DLG2: variants seen among roughly 807,000 people sequenced by gnomAD.
The protein encoded by DLG2 is disks large homolog 2.
A neutral mutation model predicts 132.5 loss-of-function variants in DLG2; 45 were observed. The ratio of observed to expected loss-of-function variants is 0.34; its 90% CI spans 0.27 to 0.44. The LOEUF (loss-of-function observed/expected upper bound fraction) is 0.44. Ranked by LOEUF, DLG2 falls within the 20% of genes least tolerant of loss-of-function variation. DLG2 has a pLI of 1.00. For missense variants in DLG2, 1,045 were observed against 1,196.9 expected, an observed-to-expected ratio of 0.87 and a Z score of 1.87; for synonymous variants, 424 against 419.6, an observed-to-expected ratio of 1.01 and a Z score of -0.13.
intron 11 of DLG2, among the ~76,000 whole-genome samples, chr11:84,027,297 T>C (rs2095562125): frequency 6.6e-6 from 1 of 152,230 alleles, no homozygotes; most frequent in South Asian, 2.1e-4. Context: ...ACAGTAAAGT[T>C]TTGGCAACTA....
intron 4 of DLG2, among the ~76,000 whole-genome samples, chr11:85,221,564 A>T (rs1046674163): frequency 5.3e-5 from 8 of 152,210 alleles, no homozygotes; most frequent in African/African-American, 1.9e-4. Context: ...TAAATCCAAT[A>T]ATTTACATTT....
At chr11:84,438,059 A>G (rs2099006293) in intron 7 of DLG2, among the ~76,000 whole-genome samples, 2 of 152,170 alleles carry the variant, frequency 1.3e-5, no homozygotes, top group Non-Finnish European at 2.9e-5. Flanking sequence ...TGCAGGCACA[A>G]ACAGGTGTCC....
At chr11:85,602,876 C>T (rs1354084391) in intron 2 of DLG2, among the ~76,000 whole-genome samples, 1 of 152,186 alleles carries the variant, frequency 6.6e-6, no homozygotes, top group Non-Finnish European at 1.5e-5. Flanking sequence ...ATAAAGCTTG[C>T]TCCTTCACTT....
intron 15 of DLG2, among the ~76,000 whole-genome samples, chr11:83,894,991 A>G (rs2071171818): frequency 6.6e-6 from 1 of 152,162 alleles, no homozygotes; most frequent in African/African-American, 2.4e-5. Context: ...TCAGCCATGA[A>G]AAACAATATG....
chr11:85,507,081 CTTTAT>C (rs963421346), intron 3 of DLG2, among the ~76,000 whole-genome samples: 2 of 152,152 alleles, frequency 1.3e-5, no homozygotes, highest in Non-Finnish European at 2.9e-5. Context: ...TCCTGCATCC[CTTTAT>C]TTTAAGCCTA....
intron 18 of DLG2, among the ~76,000 whole-genome samples, chr11:83,772,120 A>T (rs987285701): frequency 2.0e-5 from 3 of 152,114 alleles, no homozygotes; most frequent in African/African-American, 2.4e-5. Context: ...TTGAAAGAAA[A>T]ATCTAGGCCG....
chr11:83,748,614 G>C (rs12287586), intron 18 of DLG2, among the ~76,000 whole-genome samples: 4,717 of 152,234 alleles, frequency 0.031, 252 homozygotes, highest in African/African-American at 0.11. Flanking sequence ...ACATGACTCT[G>C]CCTGAGGTAG....
At chr11:83,946,401 C>G (rs1356538221) in intron 14 of DLG2, among the ~76,000 whole-genome samples, 1 of 152,166 alleles carries the variant, frequency 6.6e-6, no homozygotes, top group Non-Finnish European at 1.5e-5. Flanking sequence ...CTGTTTTTGA[C>G]ACTTATGTCC....
intron 6 of DLG2, among the ~76,000 whole-genome samples, chr11:84,714,188 A>AT (rs1004030124): frequency 3.8e-5 from 5 of 129,956 alleles, no homozygotes; most frequent in Non-Finnish European, 7.7e-5. Flanking sequence ...TAAAAAAAAA[A>AT]CATATACCAA....
At chr11:85,288,032 T>G (rs564347010) in intron 3 of DLG2, among the ~76,000 whole-genome samples, 17 of 152,076 alleles carry the variant, frequency 1.1e-4, no homozygotes, top group African/African-American at 4.1e-4. Flanking sequence ...GGCAAGGAAG[T>G]GGGATAAGGA....
chr11:84,893,227 G>C (rs1333843868), intron 6 of DLG2, among the ~76,000 whole-genome samples: 1 of 152,140 alleles, frequency 6.6e-6, no homozygotes, highest in Non-Finnish European at 1.5e-5. Context: ...GTAGGATCAA[G>C]GGGATGTGCC....
intron 2 of DLG2, among the ~76,000 whole-genome samples, chr11:85,606,732 G>A (rs904934466): frequency 1.2e-4 from 18 of 152,166 alleles, no homozygotes; most frequent in Non-Finnish European, 2.4e-4. Context: ...CACTCACTGC[G>A]AAGGTCTGCA....
intron 18 of DLG2, among the ~76,000 whole-genome samples, chr11:83,669,514 C>T (rs1034524300): frequency 7.2e-5 from 11 of 152,128 alleles, no homozygotes; most frequent in African/African-American, 2.7e-4. Flanking sequence ...GAATACAACC[C>T]TCTTATAAAC....
intron 6 of DLG2, among the ~76,000 whole-genome samples, chr11:85,068,340 A>G (rs2065252130): frequency 6.6e-6 from 1 of 152,158 alleles, no homozygotes; most frequent in East Asian, 1.9e-4. Flanking sequence ...GTATTCAATT[A>G]GGAAAAGATG....
chr11:84,374,608 T>C (rs974133451), intron 7 of DLG2, among the ~76,000 whole-genome samples: 2 of 152,160 alleles, frequency 1.3e-5, no homozygotes, highest in Non-Finnish European at 2.9e-5. Context: ...TTCTAAAGAA[T>C]ACCTGAAATT....
chr11:84,658,948 C>T (rs188347379), intron 6 of DLG2, among the ~76,000 whole-genome samples: 15 of 152,280 alleles, frequency 9.9e-5, no homozygotes, highest in Middle Eastern at 3.4e-3. Context: ...AGATGGCCAT[C>T]TATGAATCAG....
chr11:84,056,127 T>C (rs947214833), intron 11 of DLG2, among the ~76,000 whole-genome samples: 1 of 152,036 alleles, frequency 6.6e-6, no homozygotes, highest in Non-Finnish European at 1.5e-5. Context: ...TACATAGATA[T>C]ACATGTACCA....
chr11:84,711,726 G>A (rs1220718263), intron 6 of DLG2, among the ~76,000 whole-genome samples: 1 of 151,980 alleles, frequency 6.6e-6, no homozygotes, highest in Non-Finnish European at 1.5e-5. Context: ...TCAACTGGTT[G>A]GATGAGGCTC....
chr11:84,927,597 T>A (rs544938377), intron 6 of DLG2, among the ~76,000 whole-genome samples: 2 of 152,152 alleles, frequency 1.3e-5, no homozygotes, highest in South Asian at 4.1e-4. Context: ...TCCATTTTAA[T>A]GTTGTAGAGA....
Sources: allele counts gnomAD v4.1 joint callset (sites outside exome capture counted in the v4.1 genomes callset), GRCh38; gene constraint gnomAD v4.1.1; transcripts MANE v1.5; gene names NCBI Gene and HGNC (gene_info 2026-07-23, HGNC 2026-07-21).